Variants in MAP2K1 observed in about 807,000 individuals in gnomAD.
The protein encoded by MAP2K1 is mitogen-activated protein kinase kinase 1.
Under a neutral mutation model 46.3 loss-of-function variants are expected in MAP2K1, and 16 were observed. The ratio of observed to expected loss-of-function variants is 0.35; its 90% CI spans 0.23 to 0.52. The LOEUF is 0.52. Ranked by LOEUF, MAP2K1 falls within the 20% of genes least tolerant of loss-of-function variation. The probability of loss-of-function intolerance (pLI) is 0.94; values close to 1 mark genes in which losing one functional copy is unlikely to be tolerated. For missense variants in MAP2K1, 263 were observed against 497.1 expected (o/e 0.53, Z 4.48); for synonymous variants, 183 against 185.6 (o/e 0.99, Z 0.11).
chr15:66,407,520 G>A (rs911633439), intron 1 of MAP2K1, among the ~76,000 whole-genome samples: 1 of 152,178 alleles, frequency 6.6e-6, no homozygotes, highest in African/African-American at 2.4e-5. Flanking sequence ...CTGCAAAGTG[G>A]GAGTGATGGT....
intron 5 of MAP2K1, among the ~76,000 whole-genome samples, chr15:66,478,302 G>GTA (rs1308496551): frequency 2.1e-5 from 3 of 141,818 alleles, no homozygotes; most frequent in Admixed American, 7.2e-5. Flanking sequence ...ATATATACCT[G>GTA]TATATATATA....
intron 5 of MAP2K1, among the ~76,000 whole-genome samples, chr15:66,477,651 C>A (rs1892785596): frequency 6.6e-6 from 1 of 152,172 alleles, no homozygotes; most frequent in African/African-American, 2.4e-5. Flanking sequence ...GTCTCACTAG[C>A]CAGTGCTGCT....
intron 5 of MAP2K1, among the ~76,000 whole-genome samples, chr15:66,454,830 C>T (rs2140622461): frequency 6.6e-6 from 1 of 152,094 alleles, no homozygotes; most frequent in Admixed American, 6.5e-5. Flanking sequence ...TTGCAATGAG[C>T]CGAGATCGTG....
At chr15:66,447,893 A>G (rs919264912) in intron 5 of MAP2K1, among the ~76,000 whole-genome samples, 5 of 149,520 alleles carry the variant, frequency 3.3e-5, no homozygotes, top group African/African-American at 9.9e-5. Flanking sequence ...GCTCACACCT[A>G]TAATCCCAGC....
At chr15:66,431,562 T>C (rs1338243619) in intron 1 of MAP2K1, among the ~76,000 whole-genome samples, 1 of 152,248 alleles carries the variant, frequency 6.6e-6, no homozygotes, top group Non-Finnish European at 1.5e-5. Context: ...CTCCTCTCCC[T>C]CTATATTAGT....
chr15:66,490,665 G>A lies in MAP2K1; in HGVS notation c.*50G>A, dbSNP rs766828156. ...AGTCCCCTGCCCGGTGGTTTGCCAT[G>A]TCGCTTTTGGGCCTCCTTCCCATGC... On this transcript the variant is annotated 3_prime_UTR_variant, in exon 11 of 11. Coordinates refer to ENST00000307102, the MANE Select transcript of MAP2K1 (RefSeq NM_002755.4). 7.3e-5 allele frequency: 103 copies of A among 1,414,728 alleles called. No homozygotes were observed. The Admixed American group carries it at 1.5e-3, about 21-fold the overall frequency. The allele number at this position is 1,414,728 out of a possible 1,614,324, so 87.6% of individuals were successfully genotyped here.
chr15:66,405,712 A>G (rs1330652753), intron 1 of MAP2K1, among the ~76,000 whole-genome samples: 1 of 152,220 alleles, frequency 6.6e-6, no homozygotes, highest in African/African-American at 2.4e-5. Context: ...CCTTTAAACT[A>G]GATTCTTTCT....
At chr15:66,483,266 T>C (rs906827789) in intron 6 of MAP2K1, among the ~76,000 whole-genome samples, 2 of 152,182 alleles carry the variant, frequency 1.3e-5, no homozygotes, top group Non-Finnish European at 2.9e-5. Context: ...CCAGCCACTG[T>C]CAACATCACT....
chr15:66,448,472 G>A (rs1386615134), intron 5 of MAP2K1, among the ~76,000 whole-genome samples: 3 of 152,148 alleles, frequency 2.0e-5, no homozygotes, highest in Admixed American at 6.5e-5. Flanking sequence ...AGGAGTAATG[G>A]CAGCTTGTCC....
intron 1 of MAP2K1, among the ~76,000 whole-genome samples, chr15:66,398,655 A>G (rs1180335083): frequency 6.6e-6 from 1 of 152,224 alleles, no homozygotes; most frequent in African/African-American, 2.4e-5. Context: ...CTGTCTCAAA[A>G]ACAAAACAGA....
chr15:66,426,011 C>A (rs1025130519), intron 1 of MAP2K1, among the ~76,000 whole-genome samples: 1 of 152,094 alleles, frequency 6.6e-6, no homozygotes, highest in Non-Finnish European at 1.5e-5. Flanking sequence ...TTTGTTTGCT[C>A]AATATTACAT....
At chr15:66,452,645 G>A (rs1435210450) in intron 5 of MAP2K1, among the ~76,000 whole-genome samples, 7 of 152,176 alleles carry the variant, frequency 4.6e-5, no homozygotes, top group Admixed American at 4.6e-4. Context: ...AACATCTGGT[G>A]GAGTAAAGGC....
In MAP2K1 at chr15:66,387,228, C is replaced by CA. The variant is rs974837747; in HGVS notation, c.-119dup. ...CCGCGCGGGGCGCACCCGCTGAAGG[C>CA]AGCCCCGGGGCCCGCGGCCCGGACT... On this transcript the variant is annotated 5_prime_UTR_variant, in exon 1 of 11. Coordinates refer to ENST00000307102, the MANE Select transcript of MAP2K1 (RefSeq NM_002755.4). 3.9e-6 allele frequency: 3 copies of CA among 773,846 alleles called. No homozygotes were observed. In the African/African-American group the frequency reaches 5.6e-5, roughly 14 times the overall value. 47.9% of individuals were successfully genotyped at this position (773,846 alleles called of 1,614,324 possible). A position where few individuals can be genotyped will look rare whatever the true frequency, so the allele number is the denominator to read the frequency against.
At chr15:66,413,249 A>C (rs546900922) in intron 1 of MAP2K1, among the ~76,000 whole-genome samples, 223 of 152,232 alleles carry the variant, frequency 1.5e-3, no homozygotes, top group African/African-American at 4.9e-3. Flanking sequence ...ACTGAACCCT[A>C]AATATCCTGA....
At chr15:66,462,650 C>T (rs1281891185) in intron 5 of MAP2K1, among the ~76,000 whole-genome samples, 3 of 151,128 alleles carry the variant, frequency 2.0e-5, no homozygotes, top group Non-Finnish European at 4.4e-5. Context: ...ACTGACATAA[C>T]AAGTGACATA....
At chr15:66,458,411 T>A (rs1892226888) in intron 5 of MAP2K1, among the ~76,000 whole-genome samples, 1 of 152,252 alleles carries the variant, frequency 6.6e-6, no homozygotes, top group South Asian at 2.1e-4. Flanking sequence ...TAACAACAGT[T>A]TTAAATTATA....
At chr15:66,478,389 G>C (rs1454376702) in intron 5 of MAP2K1, among the ~76,000 whole-genome samples, 1 of 94,098 alleles carries the variant, frequency 1.1e-5, no homozygotes, top group Non-Finnish European at 2.0e-5. Flanking sequence ...TATATACACA[G>C]ATATGTGTGT....
intron 1 of MAP2K1, among the ~76,000 whole-genome samples, chr15:66,410,994 A>G (rs754403388): frequency 5.3e-5 from 8 of 152,202 alleles, no homozygotes; most frequent in Non-Finnish European, 1.2e-4. Flanking sequence ...GTGTTAGTTT[A>G]CAGAGCTTCT....
chr15:66,415,491 C>A (rs1245313658), intron 1 of MAP2K1, among the ~76,000 whole-genome samples: 1 of 152,148 alleles, frequency 6.6e-6, no homozygotes, highest in Non-Finnish European at 1.5e-5. Flanking sequence ...CTGGCATCAC[C>A]CTCAACTCCT....
Sources: allele counts gnomAD v4.1 joint callset (sites outside exome capture counted in the v4.1 genomes callset), GRCh38; gene constraint gnomAD v4.1.1; transcripts MANE v1.5; gene names NCBI Gene and HGNC (gene_info 2026-07-23, HGNC 2026-07-21).